Variants in MGAT4C observed in about 807,000 individuals in gnomAD.
MGAT4C encodes alpha-1,3-mannosyl-glycoprotein 4-beta-N-acetylglucosaminyltransferase C.
In MGAT4C, 19 loss-of-function variants were observed where a neutral mutation model predicts 40.1. That is an observed-to-expected ratio of 0.47 (90% CI 0.33 to 0.70). The LOEUF is 0.70. Ranked by LOEUF, MGAT4C falls within the 30% of genes least tolerant of loss-of-function variation. MGAT4C has a pLI of 0.02. For synonymous variants in MGAT4C, 181 were observed against 187.1 expected (o/e 0.97, Z 0.27); for missense variants, 491 against 563.2 (o/e 0.87, Z 1.30).
chr12:86,487,553 T>C (rs1249725179), intron 2 of MGAT4C, among the ~76,000 whole-genome samples: 1 of 152,186 alleles, frequency 6.6e-6, no homozygotes, highest in Non-Finnish European at 1.5e-5. Flanking sequence ...GGGTTCTTGA[T>C]TTTCTTAGAG....
chr12:86,535,504 G>A (rs1450482971), intron 2 of MGAT4C, among the ~76,000 whole-genome samples: 3 of 152,136 alleles, frequency 2.0e-5, no homozygotes, highest in East Asian at 1.9e-4. Context: ...AGAGTTAACA[G>A]CTGATTCACT....
intron 2 of MGAT4C, among the ~76,000 whole-genome samples, chr12:86,469,179 T>C (rs564540050): frequency 6.6e-6 from 1 of 152,118 alleles, no homozygotes; most frequent in African/African-American, 2.4e-5. Flanking sequence ...TATTTTTAAA[T>C]ATATTATATC....
intron 2 of MGAT4C, among the ~76,000 whole-genome samples, chr12:86,026,495 T>A (rs1011709056): frequency 1.3e-5 from 2 of 151,874 alleles, no homozygotes; most frequent in Non-Finnish European, 2.9e-5. Flanking sequence ...TGCTGAATAG[T>A]CTAGTTGAAA....
intron 4 of MGAT4C, among the ~76,000 whole-genome samples, chr12:86,281,293 T>A (rs1953212599): frequency 6.6e-6 from 1 of 151,948 alleles, no homozygotes; most frequent in Non-Finnish European, 1.5e-5. Context: ...TGTGCAATTG[T>A]TGTCACACAT....
intron 2 of MGAT4C, among the ~76,000 whole-genome samples, chr12:86,030,044 T>C (rs940996403): frequency 2.0e-5 from 3 of 151,774 alleles, no homozygotes; most frequent in Non-Finnish European, 3.0e-5. Flanking sequence ...TTTTTTCCTG[T>C]GTTGGGAATA....
At chr12:86,599,029 CAAAA>C (rs1961653637) in intron 2 of MGAT4C, among the ~76,000 whole-genome samples, 1 of 152,130 alleles carries the variant, frequency 6.6e-6, no homozygotes, top group African/African-American at 2.4e-5. Flanking sequence ...ACACAATATA[CAAAA>C]ATAGTATAAG....
In MGAT4C at chr12:86,794,037, T is replaced by C. The variant is rs79086647; in HGVS notation, c.-262+44629A>G. ...AAATACAGCCCTCTAAATTCAAACA[T>C]ATATAAAGGAGTACATATACATTTT... On this transcript the variant is annotated intron_variant, in intron 1 of 7. Transcript: ENST00000548651. 5.6e-3 allele frequency among the ~76,000 whole-genome samples: 850 copies of C among 152,018 alleles called. 3 individuals carry two copies. The highest frequency in any genetic ancestry group is 9.0e-3 in the Non-Finnish European group (608 of 67,830).
At chr12:86,718,307 G>A (rs919477238) in intron 2 of MGAT4C, among the ~76,000 whole-genome samples, 7 of 152,088 alleles carry the variant, frequency 4.6e-5, no homozygotes, top group Admixed American at 1.3e-4. Flanking sequence ...TGGTATAAAA[G>A]CCCCAAACAG....
chr12:85,988,170 G>T (rs1182611485), intron 3 of MGAT4C, among the ~76,000 whole-genome samples: 1 of 152,064 alleles, frequency 6.6e-6, no homozygotes, highest in Non-Finnish European at 1.5e-5. Flanking sequence ...ATTGTGCATA[G>T]ACTGTGGAGA....
chr12:86,304,912 G>A (rs1464434516), intron 4 of MGAT4C, among the ~76,000 whole-genome samples: 1 of 150,684 alleles, frequency 6.6e-6, no homozygotes, highest in Non-Finnish European at 1.5e-5. Flanking sequence ...GGTTTCAAGA[G>A]CATGGTCCTG....
At chr12:86,622,977 C>A (rs1363340268) in intron 2 of MGAT4C, among the ~76,000 whole-genome samples, 1 of 152,054 alleles carries the variant, frequency 6.6e-6, no homozygotes, top group African/African-American at 2.4e-5. Context: ...GCCAAAACTA[C>A]AATGTCTCAA....
intron 1 of MGAT4C, among the ~76,000 whole-genome samples, chr12:86,133,859 G>A (rs7137389): frequency 0.22 from 33,878 of 151,812 alleles, 3,961 homozygotes; most frequent in East Asian, 0.38. Context: ...AAAACAAGAT[G>A]AAACAAAAAC....
Position 86,159,198 on chromosome 12 carries a change from G to T in MGAT4C, c.-57+97041C>A, listed in dbSNP as rs531070010. On this transcript the variant is annotated intron_variant, in intron 1 of 4. Transcript: ENST00000611864. The stretch of plus-strand genomic sequence containing the variant: ...CATGCATAGCTGTTATCATTTTGAG[G>T]TATGTTCCTTTGATGCCTAGTTTCT... Among the ~76,000 whole-genome samples, 4 of 152,058 alleles carry T rather than the reference G, an allele frequency of 2.6e-5. No homozygotes were observed. The South Asian group carries it at 8.3e-4, about 32-fold the overall frequency.
At chr12:86,799,484 A>G (rs1952187269) in intron 1 of MGAT4C, among the ~76,000 whole-genome samples, 1 of 151,872 alleles carries the variant, frequency 6.6e-6, no homozygotes. Flanking sequence ...TCTATCTCAC[A>G]GCTGTTCTCC....
chr12:86,622,420 CAT>C (rs549949567), intron 2 of MGAT4C, among the ~76,000 whole-genome samples: 275 of 152,138 alleles, frequency 1.8e-3, no homozygotes, highest in Admixed American at 3.5e-3. Context: ...TAGAAAGTCT[CAT>C]GTGAAATATT....
chr12:86,050,430 T>C (rs1892792725), intron 1 of MGAT4C, among the ~76,000 whole-genome samples: 1 of 152,050 alleles, frequency 6.6e-6, no homozygotes. Context: ...TTTGAGAAAA[T>C]AAATATATTC....
chr12:86,064,460 G>A (rs1057417301), intron 1 of MGAT4C, among the ~76,000 whole-genome samples: 5 of 152,156 alleles, frequency 3.3e-5, no homozygotes, highest in Non-Finnish European at 7.3e-5. Context: ...GCTCCTCAAT[G>A]ACTACTGGGT....
At chr12:86,334,820 A>G (rs1201122739) in intron 3 of MGAT4C, among the ~76,000 whole-genome samples, 2 of 152,136 alleles carry the variant, frequency 1.3e-5, no homozygotes, top group Non-Finnish European at 2.9e-5. Context: ...TTGATTTGCA[A>G]TGTACTTCAA....
At chr12:86,644,987 T>C (rs980018901) in intron 2 of MGAT4C, among the ~76,000 whole-genome samples, 1 of 151,704 alleles carries the variant, frequency 6.6e-6, no homozygotes, top group African/African-American at 2.4e-5. Flanking sequence ...CTGCATTCTT[T>C]TGTATGTTGT....
Sources: gnomAD v4.1 joint callset for allele counts (sites outside exome capture counted in the v4.1 genomes callset) on GRCh38, gnomAD v4.1.1 for gene constraint, MANE v1.5 for transcripts, NCBI Gene and HGNC (gene_info 2026-07-23, HGNC 2026-07-21) for gene names.